ARHGAP15: variants seen among roughly 807,000 people sequenced by gnomAD.
ARHGAP15 encodes Rho GTPase activating protein 15.
A neutral mutation model predicts 63.7 loss-of-function variants in ARHGAP15; 51 were observed. The ratio of observed to expected loss-of-function variants is 0.80; its 90% CI spans 0.64 to 1.01. ARHGAP15 has a LOEUF of 1.01. Among genes scored for constraint, ARHGAP15 ranks in the 50% least tolerant of loss-of-function variants. The pLI is 0.00. For missense variants in ARHGAP15, 560 were observed against 564.6 expected, an observed-to-expected ratio of 0.99 and a Z score of 0.08; for synonymous variants, 191 against 193.8, an observed-to-expected ratio of 0.99 and a Z score of 0.12.
intron 6 of ARHGAP15, among the ~76,000 whole-genome samples, chr2:143,307,755 A>G (rs1444688702): frequency 6.6e-6 from 1 of 152,140 alleles, no homozygotes; most frequent in Admixed American, 6.6e-5. Flanking sequence ...AGAGCTGAAC[A>G]TTAGGGGGTC....
At chr2:143,624,995 G>A (rs1224724997) in intron 12 of ARHGAP15, among the ~76,000 whole-genome samples, 1 of 152,004 alleles carries the variant, frequency 6.6e-6, no homozygotes, top group Non-Finnish European at 1.5e-5. Context: ...AAATGGAAGG[G>A]TACTTCTGCT....
At chr2:143,253,405 A>T (rs906133169) in intron 6 of ARHGAP15, among the ~76,000 whole-genome samples, 10 of 152,060 alleles carry the variant, frequency 6.6e-5, no homozygotes, top group Non-Finnish European at 1.2e-4. Flanking sequence ...TGCTGTTTGG[A>T]TGTTTGAGTT....
chr2:143,475,672 C>G (rs1186300902), intron 8 of ARHGAP15, among the ~76,000 whole-genome samples: 1 of 152,176 alleles, frequency 6.6e-6, no homozygotes, highest in Non-Finnish European at 1.5e-5. Flanking sequence ...GTAAGAAGGC[C>G]ATGGCAAAGG....
At chr2:143,531,226 CTA>C (rs1431204781) in intron 10 of ARHGAP15, among the ~76,000 whole-genome samples, 1 of 152,072 alleles carries the variant, frequency 6.6e-6, no homozygotes, top group East Asian at 1.9e-4. Context: ...ATATTGAAAA[CTA>C]TAAATATAAA....
chr2:143,282,989 G>C lies in ARHGAP15; in HGVS notation c.474+32389G>C, dbSNP rs75701227. On this transcript the variant is annotated intron_variant, in intron 6 of 13. Transcript: ENST00000295095. The stretch of plus-strand genomic sequence containing the variant: ...ATTTCGGAGTATTGATTCTAAATTT[G>C]TCATTGTTTTCCGTGAAAGCTAAGC... Among the ~76,000 whole-genome samples, 911 of 152,216 alleles carry C rather than the reference G, an allele frequency of 6.0e-3. 6 individuals are homozygous for C. The highest frequency in any genetic ancestry group is 0.024 in the Middle Eastern group (7 of 294).
intron 13 of ARHGAP15, among the ~76,000 whole-genome samples, chr2:143,730,289 G>C (rs574673654): frequency 6.6e-6 from 1 of 152,316 alleles, no homozygotes; most frequent in Non-Finnish European, 1.5e-5. Context: ...TGTCCCTAGA[G>C]CTGGAGGCTT....
intron 4 of ARHGAP15, among the ~76,000 whole-genome samples, chr2:143,222,023 C>T (rs1165108790): frequency 6.6e-6 from 1 of 152,168 alleles, no homozygotes; most frequent in Non-Finnish European, 1.5e-5. Flanking sequence ...GTAGTTTCTG[C>T]TCAGTATCGC....
chr2:143,443,934 A>C (rs1690014728), intron 8 of ARHGAP15, among the ~76,000 whole-genome samples: 1 of 152,188 alleles, frequency 6.6e-6, no homozygotes, highest in Non-Finnish European at 1.5e-5. Context: ...ATTTGATAAG[A>C]GGACTTCATT....
At chr2:143,541,852 C>T (rs532398833) in intron 10 of ARHGAP15, among the ~76,000 whole-genome samples, 9 of 152,346 alleles carry the variant, frequency 5.9e-5, no homozygotes, top group South Asian at 2.1e-4. Flanking sequence ...GCAGTCTGCC[C>T]GTTCTCAGAT....
At chr2:143,496,934 C>T (rs1423217967) in intron 9 of ARHGAP15, among the ~76,000 whole-genome samples, 2 of 152,160 alleles carry the variant, frequency 1.3e-5, no homozygotes, top group African/African-American at 2.4e-5. Context: ...ACTATGTATC[C>T]TTAAAAGATT....
At chr2:143,250,934 A>G (rs1574153505) in intron 6 of ARHGAP15, among the ~76,000 whole-genome samples, 3 of 152,078 alleles carry the variant, frequency 2.0e-5, no homozygotes, top group South Asian at 2.1e-4. Flanking sequence ...TTTCAGATGC[A>G]CACAAACTAA....
At chr2:143,235,580 T>G (rs936705616) in intron 5 of ARHGAP15, among the ~76,000 whole-genome samples, 1 of 152,208 alleles carries the variant, frequency 6.6e-6, no homozygotes, top group African/African-American at 2.4e-5. Flanking sequence ...GTCATGGCTA[T>G]TGTTTTAACA....
intron 9 of ARHGAP15, among the ~76,000 whole-genome samples, chr2:143,517,194 A>T (rs1228915866): frequency 2.0e-5 from 3 of 152,040 alleles, no homozygotes; most frequent in Non-Finnish European, 4.4e-5. Flanking sequence ...TGATCCGCCC[A>T]CCTCAGCCTC....
chr2:143,425,050 A>C (rs1689084478), intron 6 of ARHGAP15, among the ~76,000 whole-genome samples: 1 of 152,200 alleles, frequency 6.6e-6, no homozygotes, highest in African/African-American at 2.4e-5. Flanking sequence ...AGTTTCAACA[A>C]TAAATTATAT....
intron 2 of ARHGAP15, among the ~76,000 whole-genome samples, chr2:143,172,377 G>A (rs905063927): frequency 6.6e-6 from 1 of 152,040 alleles, no homozygotes; most frequent in Non-Finnish European, 1.5e-5. Flanking sequence ...TTTATTATTT[G>A]ATGCACAATC....
At chr2:143,139,084 C>CTTTA (rs1203999951) in intron 1 of ARHGAP15, among the ~76,000 whole-genome samples, 1 of 152,002 alleles carries the variant, frequency 6.6e-6, no homozygotes, top group Non-Finnish European at 1.5e-5. Flanking sequence ...AAATTTCTAT[C>CTTTA]TTTAGCCTTG....
chr2:143,614,021 C>T (rs1256989850), intron 11 of ARHGAP15, among the ~76,000 whole-genome samples: 2 of 152,140 alleles, frequency 1.3e-5, no homozygotes, highest in African/African-American at 2.4e-5. Context: ...CTAGGGTCTC[C>T]GACAACTTGT....
intron 4 of ARHGAP15, among the ~76,000 whole-genome samples, chr2:143,226,475 G>A (rs1693218100): frequency 1.3e-5 from 2 of 152,176 alleles, no homozygotes; most frequent in East Asian, 3.8e-4. Context: ...CAAAATAAGG[G>A]TGGTGTTAAA....
chr2:143,393,626 A>G (rs931108877), intron 6 of ARHGAP15, among the ~76,000 whole-genome samples: 2 of 145,266 alleles, frequency 1.4e-5, no homozygotes, highest in African/African-American at 2.5e-5. Flanking sequence ...GCTACTTGGG[A>G]GGCTGAGGCA....
Sources: gnomAD v4.1 joint callset for allele counts (sites outside exome capture counted in the v4.1 genomes callset) on GRCh38, gnomAD v4.1.1 for gene constraint, MANE v1.5 for transcripts, NCBI Gene and HGNC (gene_info 2026-07-23, HGNC 2026-07-21) for gene names.